Variants in SLC7A7 observed in about 807,000 individuals in gnomAD.
The protein encoded by SLC7A7 is Y+L amino acid transporter 1.
In SLC7A7, 39 loss-of-function variants were observed where a neutral mutation model predicts 47.9. That is an observed-to-expected ratio of 0.81 (90% CI 0.63 to 1.06). The LOEUF is 1.06. SLC7A7 is among the 50% of genes least tolerant of loss of function. The probability of loss-of-function intolerance (pLI) is 0.00; values close to 1 mark genes in which losing one functional copy is unlikely to be tolerated. For missense variants in SLC7A7, 588 were observed against 632.0 expected (o/e 0.93, Z 0.75); for synonymous variants, 234 against 242.8 (o/e 0.96, Z 0.34).
At chr14:22,792,995 C>CAA (rs2038952770) in intron 2 of SLC7A7, among the ~76,000 whole-genome samples, 2 of 151,004 alleles carry the variant, frequency 1.3e-5, no homozygotes, top group South Asian at 4.2e-4. Context: ...TGGCTCACTG[C>CAA]AACCTCCGCC....
intron 2 of SLC7A7, among the ~76,000 whole-genome samples, chr14:22,801,675 G>T (rs1014595625): frequency 6.6e-6 from 1 of 152,050 alleles, no homozygotes; most frequent in Non-Finnish European, 1.5e-5. Context: ...CTACTCAGGA[G>T]GAGACAGGAG....
At chr14:22,800,974 A>G (rs981337467) in intron 2 of SLC7A7, among the ~76,000 whole-genome samples, 3 of 152,060 alleles carry the variant, frequency 2.0e-5, no homozygotes, top group Non-Finnish European at 4.4e-5. Context: ...GATTGTCTGC[A>G]ACTTCCTCAG....
At chr14:22,777,927 T>G (rs1467793342) in intron 4 of SLC7A7, among the ~76,000 whole-genome samples, 1 of 151,998 alleles carries the variant, frequency 6.6e-6, no homozygotes, top group Non-Finnish European at 1.5e-5. Context: ...ATACAAAAAT[T>G]AGCCAGGCGT....
rs144328937 is a variant in SLC7A7 at position 22,774,294 on chromosome 14, C to T, written c.1245+60G>A. 221 of 1,612,852 alleles carry T rather than the reference C, an allele frequency of 1.4e-4. 2 individuals carry two copies. In the East Asian group the frequency reaches 4.9e-3, roughly 35 times the overall value. On this transcript the variant is annotated intron_variant, in intron 8 of 9. Coordinates refer to ENST00000674313, the MANE Select transcript of SLC7A7 (RefSeq NM_003982.4). ...CTAAATAAAGTGCTTTGTCATAGTC[C>T]CTTGTAGCAACAACTCCAGCTGTTT...
chr14:22,779,872 C>T (rs1375664457), intron 3 of SLC7A7, 54 bp downstream of exon 3: 23 of 1,513,440 alleles, frequency 1.5e-5, no homozygotes, highest in Admixed American at 6.7e-5. Flanking sequence ...TAGAGGAGTG[C>T]GGCTCACAGA....
At chr14:22,790,209 G>C (rs1266113373) in intron 2 of SLC7A7, among the ~76,000 whole-genome samples, 1 of 151,644 alleles carries the variant, frequency 6.6e-6, no homozygotes, top group Non-Finnish European at 1.5e-5. Flanking sequence ...TGCACCTGTA[G>C]TCTCAACTAC....
chr14:22,802,167 C>T (rs1011384605), intron 2 of SLC7A7, among the ~76,000 whole-genome samples: 5 of 152,178 alleles, frequency 3.3e-5, no homozygotes, highest in Non-Finnish European at 7.3e-5. Flanking sequence ...CTTTGGGAGG[C>T]CGAGGCAGGC....
chr14:22,819,481 G>A (rs2039447865), upstream of SLC7A7, among the ~76,000 whole-genome samples: 1 of 152,092 alleles, frequency 6.6e-6, no homozygotes, highest in African/African-American at 2.4e-5. Flanking sequence ...ATTAAGGAAG[G>A]GCTGAAGTCT....
chr14:22,803,446 G>A (rs757077658), intron 2 of SLC7A7, among the ~76,000 whole-genome samples: 11 of 152,110 alleles, frequency 7.2e-5, no homozygotes, highest in Non-Finnish European at 1.3e-4. Context: ...AACAGGATGG[G>A]GAACTGAGAG....
At chr14:22,775,292 A>G (rs1251582568) in intron 7 of SLC7A7, 152 bp downstream of exon 7, 2 of 751,096 alleles carry the variant, frequency 2.7e-6, no homozygotes, top group Non-Finnish European at 4.7e-6. Flanking sequence ...AGCGGTTAGC[A>G]TAGTGCCTTG....
In SLC7A7 at chr14:22,774,448, T is replaced by G. The variant is rs745518953; in HGVS notation, c.1151A>C (p.Tyr384Ser). ...AAAGAACCAGTAGCTGAAGCTGTAGTAGTTAATGAGCTGGAAGATGTCTTC... is the reference window on the plus strand; with the variant it reads ...AAAGAACCAGTAGCTGAAGCTGTAGGAGTTAATGAGCTGGAAGATGTCTTC... ...CVEDIFQLIN[Y>S]YSFSYWFFVG... is the part of the protein sequence containing the mutation. Residue 384 changes from tyrosine to serine, a missense_variant, in exon 8 of 10, where the codon TAC (tyrosine) becomes TCC (serine). Transcript: ENST00000674313. 3.7e-6 allele frequency: 6 copies of G among 1,614,098 alleles called. No homozygotes were observed. The highest frequency in any genetic ancestry group is 5.1e-6 in the Non-Finnish European group (6 of 1,180,018).
chr14:22,788,661 A>G (rs764049952), intron 2 of SLC7A7, among the ~76,000 whole-genome samples: 1 of 150,530 alleles, frequency 6.6e-6, no homozygotes, highest in Non-Finnish European at 1.5e-5. Flanking sequence ...CCAAGATCCT[A>G]CCACTGCACT....
At chr14:22,784,485 G>A (rs552025678) in intron 2 of SLC7A7, among the ~76,000 whole-genome samples, 1 of 152,214 alleles carries the variant, frequency 6.6e-6, no homozygotes, top group South Asian at 2.1e-4. Context: ...GGGCATGGTG[G>A]TGTGTGCCTG....
At position 22,773,499 on chromosome 14, in the gene SLC7A7, C is replaced by A. The variant is rs1267502891; in HGVS notation, c.*111G>T. The stretch of plus-strand genomic sequence containing the variant: ...GTTCAAAGGTTGAAGCTGCCTAGGC[C>A]AGGCTTCTGGACAGGTGCCTCCAAA... On this transcript the variant is annotated 3_prime_UTR_variant, in exon 10 of 10. Coordinates refer to ENST00000674313, the MANE Select transcript of SLC7A7 (RefSeq NM_003982.4). 2.3e-6 allele frequency: 2 copies of A among 883,460 alleles called. No individual in the cohort carries two copies. The highest frequency in any genetic ancestry group is 3.3e-5 in the African/African-American group (2 of 61,500). The allele number at this position is 883,460 out of a possible 1,614,324, so 54.7% of individuals were successfully genotyped here.
intron 2 of SLC7A7, among the ~76,000 whole-genome samples, chr14:22,789,996 C>A (rs1043258326): frequency 3.2e-4 from 49 of 152,040 alleles, no homozygotes; most frequent in African/African-American, 1.0e-3. Flanking sequence ...TTGTTTTCAG[C>A]CACTCAATTG....
chr14:22,780,723 C>T (rs2038703658), intron 2 of SLC7A7, among the ~76,000 whole-genome samples: 12 of 152,172 alleles, frequency 7.9e-5, no homozygotes, highest in Admixed American at 7.9e-4. Context: ...CTCAGAAGTA[C>T]AGGTTTTAAA....
chr14:22,774,274 T>C lies in SLC7A7; in HGVS notation c.1245+80A>G. 2.5e-6 allele frequency: 4 copies of C among 1,610,366 alleles called. No individual in the cohort carries two copies. The South Asian group carries it at 4.4e-5, about 18-fold the overall frequency. On this transcript the variant is annotated intron_variant, in intron 8 of 9. Coordinates refer to ENST00000674313, the MANE Select transcript of SLC7A7 (RefSeq NM_003982.4). Reference sequence around the variant, plus strand: ...CAAGTCCCAGGCAAAGGTTTCTAAATAAAGTGCTTTGTCATAGTCCCTTGT... The same window carrying C: ...CAAGTCCCAGGCAAAGGTTTCTAAACAAAGTGCTTTGTCATAGTCCCTTGT...
Position 22,795,763 on chromosome 14 carries a change from G to A in SLC7A7, c.500-15712C>T, listed in dbSNP as rs542401112. 8.5e-5 allele frequency among the ~76,000 whole-genome samples: 13 copies of A among 152,178 alleles called. No individual in the cohort carries two copies. The South Asian group carries it at 1.0e-3, about 12-fold the overall frequency. On this transcript the variant is annotated intron_variant, in intron 2 of 9. Coordinates refer to ENST00000674313, the MANE Select transcript of SLC7A7 (RefSeq NM_003982.4). ...GCTGGGATTACAGGCGTGAGCCACCGTGCCCGGCCTTGTTTTCTTAATTCT... is the reference window on the plus strand; with the variant it reads ...GCTGGGATTACAGGCGTGAGCCACCATGCCCGGCCTTGTTTTCTTAATTCT...
chr14:22,776,624 G>A (rs996445981), intron 4 of SLC7A7, among the ~76,000 whole-genome samples: 5 of 152,116 alleles, frequency 3.3e-5, no homozygotes, highest in South Asian at 4.1e-4. Flanking sequence ...CTCGAGTCTA[G>A]GAGTTGGAGA....
Sources: gnomAD v4.1 joint callset for allele counts (sites outside exome capture counted in the v4.1 genomes callset) on GRCh38, gnomAD v4.1.1 for gene constraint, MANE v1.5 for transcripts, NCBI Gene and HGNC (gene_info 2026-07-23, HGNC 2026-07-21) for gene names.